Variants in PAAF1 observed in about 807,000 individuals in gnomAD.
PAAF1 encodes the protein proteasomal ATPase-associated factor 1.
In PAAF1, 46 loss-of-function variants were observed where a neutral mutation model predicts 52.8. The ratio of observed to expected loss-of-function variants is 0.87; its 90% CI spans 0.69 to 1.11. The LOEUF (loss-of-function observed/expected upper bound fraction) is 1.11. Among genes scored for constraint, PAAF1 ranks in the 50% most tolerant of loss-of-function variants. The pLI, the probability that PAAF1 is intolerant of heterozygous loss-of-function variation, is 0.00. For synonymous variants in PAAF1, 178 were observed against 172.8 expected (o/e 1.03, Z -0.24); for missense variants, 424 against 477.4 (o/e 0.89, Z 1.04).
At chr11:73,910,458 G>C (rs1949897727) in intron 7 of PAAF1, among the ~76,000 whole-genome samples, 1 of 152,134 alleles carries the variant, frequency 6.6e-6, no homozygotes, top group Admixed American at 6.6e-5. Context: ...AAAAAGATAT[G>C]TTTGACTGGG....
intron 6 of PAAF1, among the ~76,000 whole-genome samples, chr11:73,908,874 C>T (rs553188675): frequency 4.4e-4 from 66 of 151,200 alleles, no homozygotes; most frequent in Middle Eastern, 3.4e-3. Flanking sequence ...CTGCAACCTA[C>T]GCCTCCCAGG....
At chr11:73,886,440 C>T (rs888326133) in intron 2 of PAAF1, among the ~76,000 whole-genome samples, 16 of 152,088 alleles carry the variant, frequency 1.1e-4, no homozygotes, top group African/African-American at 3.6e-4. Flanking sequence ...CTGTGGGAGG[C>T]TGAGGCGAGT....
In PAAF1 at chr11:73,930,879, T is replaced by A. The variant is rs915603309; in HGVS notation, c.*3517T>A. On this transcript the variant is annotated 3_prime_UTR_variant, in exon 12 of 12. Transcript: ENST00000310571. ...GAAATGATGGTCATAGGGTGCAAAG[T>A]CTCAGGAGGAATATATTGTGTTTTG... 6.6e-6 allele frequency: 1 copy of A among 151,696 alleles called. No individual in the cohort carries two copies. The highest frequency in any genetic ancestry group is 1.5e-5 in the Non-Finnish European group (1 of 67,956). 9.4% of individuals were successfully genotyped at this position (151,696 alleles called of 1,614,324 possible). A position where few individuals can be genotyped will look rare whatever the true frequency, so the allele number is the denominator to read the frequency against.
At chr11:73,883,981 A>C (rs556906645) in intron 2 of PAAF1, among the ~76,000 whole-genome samples, 11 of 152,186 alleles carry the variant, frequency 7.2e-5, no homozygotes, top group Admixed American at 6.6e-4. Flanking sequence ...GATAGATGGC[A>C]TGAGAACCAG....
At chr11:73,877,180 C>T (rs1043661623) in intron 1 of PAAF1, 112 bp downstream of exon 1, 1 of 1,142,362 alleles carries the variant, frequency 8.8e-7, no homozygotes. Flanking sequence ...CGTCAATTGT[C>T]GAGGGATATG....
At chr11:73,916,793 C>G (rs144295711) in intron 9 of PAAF1, 133 bp downstream of exon 9, 94 of 533,592 alleles carry the variant, frequency 1.8e-4, no homozygotes, top group African/African-American at 1.6e-3. Context: ...CAAAGGTTTT[C>G]CAGTCTGAAT....
chr11:73,878,970 A>G, intron 2 of PAAF1, 151 bp downstream of exon 2: 1 of 507,554 alleles, frequency 2.0e-6, no homozygotes, highest in South Asian at 4.4e-5. Flanking sequence ...CAACACCCCA[A>G]CTCCTCCATT....
At chr11:73,891,382 G>C (rs1264801943) in intron 4 of PAAF1, among the ~76,000 whole-genome samples, 181 bp downstream of exon 4, 1 of 152,158 alleles carries the variant, frequency 6.6e-6, no homozygotes, top group African/African-American at 2.4e-5. Context: ...AGTCCACATA[G>C]AATATGTGTT....
chr11:73,900,158 C>A, intron 5 of PAAF1, 112 bp from the exon 6 acceptor site: 1 of 1,144,182 alleles, frequency 8.7e-7, no homozygotes, highest in Non-Finnish European at 1.2e-6. Flanking sequence ...TAAAACCCAG[C>A]ATGTGGGTTT....
intron 11 of PAAF1, among the ~76,000 whole-genome samples, chr11:73,926,340 G>C (rs1591144622): frequency 6.6e-6 from 1 of 152,158 alleles, no homozygotes; most frequent in East Asian, 1.9e-4. Context: ...TCCCGACTGA[G>C]GCCTGCCTCA....
chr11:73,876,795 A>G (rs1177588102), upstream of PAAF1: 1 of 410,480 alleles, frequency 2.4e-6, no homozygotes, highest in Non-Finnish European at 4.3e-6. Flanking sequence ...GCACGCTCCT[A>G]CGCGGCGGCT....
chr11:73,880,687 G>GAAAAAAAA (rs58934862), intron 2 of PAAF1: 17 of 40,610 alleles, frequency 4.2e-4, no homozygotes, highest in African/African-American at 1.1e-3. Flanking sequence ...ACTCTGTCTC[G>GAAAAAAAA]AAAAAAAAAA....
At chr11:73,877,170 C>A in intron 1 of PAAF1, 102 bp downstream of exon 1, 2 of 1,207,318 alleles carry the variant, frequency 1.7e-6, no homozygotes, top group Non-Finnish European at 1.1e-6. Flanking sequence ...GGGGTTACTT[C>A]GTCAATTGTC....
chr11:73,900,953 A>G (rs867373983), intron 6 of PAAF1, among the ~76,000 whole-genome samples: 185 of 141,568 alleles, frequency 1.3e-3, no homozygotes, highest in African/African-American at 4.8e-3. Context: ...CTGCACTCCA[A>G]CCTGGGCGAC....
At chr11:73,889,829 CA>C (rs1949154055) in intron 3 of PAAF1, among the ~76,000 whole-genome samples, 1 of 152,120 alleles carries the variant, frequency 6.6e-6, no homozygotes, top group Non-Finnish European at 1.5e-5. Context: ...CAGTTAGAAG[CA>C]AAAACTCATT....
rs1950435210 is a variant in PAAF1, at chr11:73,930,094, G to T, written c.*2732G>T. 1 of 152,926 alleles carries T rather than the reference G, an allele frequency of 6.5e-6. No homozygotes were observed. The highest frequency in any genetic ancestry group is 2.4e-5 in the African/African-American group (1 of 41,400). 9.5% of individuals were successfully genotyped at this position (152,926 alleles called of 1,614,324 possible). On this transcript the variant is annotated 3_prime_UTR_variant, in exon 12 of 12. Transcript: ENST00000310571. ...AAAGAAAACAGGATGAAATGGGCCGGGCGCAGTGGCTCACGCCTGTAATCC... is the reference window on the plus strand; with the variant it reads ...AAAGAAAACAGGATGAAATGGGCCGTGCGCAGTGGCTCACGCCTGTAATCC...
At chr11:73,889,357 A>C (rs1022801300) in intron 3 of PAAF1, 1 of 611,296 alleles carries the variant, frequency 1.6e-6, no homozygotes, top group Non-Finnish European at 2.4e-6. Context: ...TTATGCTTAA[A>C]TGTCTAACCC....
At chr11:73,878,649 A>G (rs1225004812) in intron 1 of PAAF1, 130 bp from the exon 2 acceptor site, 5 of 669,918 alleles carry the variant, frequency 7.5e-6, no homozygotes, top group African/African-American at 5.4e-5. Context: ...ACTCGATGAG[A>G]GGTTGGACTA....
chr11:73,877,554 A>G (rs547315131), intron 1 of PAAF1, among the ~76,000 whole-genome samples: 1 of 152,148 alleles, frequency 6.6e-6, no homozygotes, highest in Non-Finnish European at 1.5e-5. Context: ...GCTCAGATGT[A>G]TACTCTAAAT....
Sources: gnomAD v4.1 joint callset for allele counts (sites outside exome capture counted in the v4.1 genomes callset) on GRCh38, gnomAD v4.1.1 for gene constraint, MANE v1.5 for transcripts, NCBI Gene and HGNC (gene_info 2026-07-23, HGNC 2026-07-21) for gene names.